DLEU7: variants seen among roughly 807,000 people sequenced by gnomAD.
DLEU7 encodes leukemia-associated protein 7.
In DLEU7, 17 loss-of-function variants were observed where a neutral mutation model predicts 16.0. The ratio of observed to expected loss-of-function variants is 1.06; its 90% confidence interval spans 0.73 to 1.59. The LOEUF (loss-of-function observed/expected upper bound fraction) is 1.59, where lower values mean the gene tolerates loss of function less well. DLEU7 is among the 40% of genes most tolerant of loss of function. DLEU7 has a pLI of 0.00. For missense variants in DLEU7, 308 were observed against 314.9 expected, an observed-to-expected ratio of 0.98 and a Z score of 0.17; for synonymous variants, 113 against 139.8, an observed-to-expected ratio of 0.81 and a Z score of 1.35.
Position 50,827,984 on chromosome 13 carries a change from C to A in DLEU7, c.460-4464G>T, listed in dbSNP as rs138262005. Among the ~76,000 whole-genome samples, 84 of 151,086 alleles carry A rather than the reference C, an allele frequency of 5.6e-4. 1 individual carries two copies. In the Middle Eastern group the frequency reaches 0.014, roughly 25 times the overall value. ...AAGCAAAGAGAAGCCAAAATAAAAC[C>A]AAAAAAAATCATTATTTGGGATGAA... is the stretch of plus-strand genomic sequence containing the variant. On this transcript the variant is annotated intron_variant, in intron 1 of 1. Coordinates refer to ENST00000504404, the MANE Select transcript of DLEU7 (RefSeq NM_001306135.2).
At chr13:50,778,312 A>G (rs1402190791) in intron 1 of DLEU7, among the ~76,000 whole-genome samples, 1 of 152,128 alleles carries the variant, frequency 6.6e-6, no homozygotes, top group Non-Finnish European at 1.5e-5. Context: ...CTCATGATCT[A>G]GTTACCTCCT....
downstream of DLEU7, among the ~76,000 whole-genome samples, chr13:50,819,687 C>T (rs1292281848): frequency 6.6e-6 from 1 of 152,192 alleles, no homozygotes; most frequent in Admixed American, 6.5e-5. Flanking sequence ...GCCTGTGTGA[C>T]TGGAAGTATA....
At chr13:50,723,656 G>A (rs373618761) in intron 1 of DLEU7, among the ~76,000 whole-genome samples, 1 of 151,860 alleles carries the variant, frequency 6.6e-6, no homozygotes, top group Admixed American at 6.6e-5. Context: ...AAGCTCTCTG[G>A]TGTCTTTTTT....
At chr13:50,725,038 C>G (rs2137710609) in intron 1 of DLEU7, among the ~76,000 whole-genome samples, 1 of 152,188 alleles carries the variant, frequency 6.6e-6, no homozygotes, top group Middle Eastern at 3.4e-3. Context: ...ATATCAATAG[C>G]CCATGGTCCG....
rs1172330867 is a variant in DLEU7 at position 50,843,567 on chromosome 13, T to A, written c.80A>T (p.Glu27Val). 2.0e-6 allele frequency: 3 copies of A among 1,491,904 alleles called. No individual in the cohort carries two copies. The South Asian group carries it at 3.7e-5, about 19-fold the overall frequency. 92.4% of individuals were successfully genotyped at this position (1,491,904 alleles called of 1,614,324 possible). ...GACTGGACCGTCCCCCCAGCCCCACTCCTGCTGCAGCAGCTGCAAGGTCTG... is the reference window on the plus strand; with the variant it reads ...GACTGGACCGTCCCCCCAGCCCCACACCTGCTGCAGCAGCTGCAAGGTCTG... ...ALQTLQLLQQ[E>V]WGWGDGPVAP... Residue 27 changes from glutamate (E) to valine (V), a missense_variant, in exon 1 of 2, where the codon GAG (glutamate) becomes GTG (valine). Transcript: ENST00000504404. This position sits in a 1 kb window ranked among gnomAD's most constrained non-coding sequence, Gnocchi z 5.7.
At chr13:50,766,216 A>G (rs1422461340) in intron 1 of DLEU7, among the ~76,000 whole-genome samples, 2 of 152,172 alleles carry the variant, frequency 1.3e-5, no homozygotes, top group African/African-American at 2.4e-5. Flanking sequence ...TGAGCATTGG[A>G]TGCTGTTTAA....
At chr13:50,765,378 G>C (rs1875071633) in intron 1 of DLEU7, among the ~76,000 whole-genome samples, 1 of 152,044 alleles carries the variant, frequency 6.6e-6, no homozygotes, top group African/African-American at 2.4e-5. Context: ...GCAGACAGGG[G>C]AAGGAAAAAG....
At chr13:50,805,408 TG>T (rs1876359918) in intron 1 of DLEU7, among the ~76,000 whole-genome samples, 1 of 152,170 alleles carries the variant, frequency 6.6e-6, no homozygotes, top group Non-Finnish European at 1.5e-5. Flanking sequence ...TTGCTCATGG[TG>T]TGTTAGTTTT....
intron 1 of DLEU7, among the ~76,000 whole-genome samples, chr13:50,736,649 GAAAAGA>G (rs1184006894): frequency 6.6e-6 from 1 of 151,268 alleles, no homozygotes; most frequent in Non-Finnish European, 1.5e-5. Flanking sequence ...CAAGAAGGAA[GAAAAGA>G]AAAACACAAT....
chr13:50,817,154 T>C (rs1876759270), intron 1 of DLEU7, among the ~76,000 whole-genome samples: 1 of 152,154 alleles, frequency 6.6e-6, no homozygotes, highest in Non-Finnish European at 1.5e-5. Flanking sequence ...GTGATTATTA[T>C]CAAAGTCTCC....
chr13:50,824,758 A>G (rs540437599), intron 1 of DLEU7, among the ~76,000 whole-genome samples: 3 of 152,336 alleles, frequency 2.0e-5, no homozygotes, highest in African/African-American at 7.2e-5. Context: ...CCATGAACAC[A>G]TAGCAAAAAC....
downstream of DLEU7, chr13:50,711,647 A>C (rs771586162): frequency 6.6e-6 from 1 of 152,182 alleles, no homozygotes; most frequent in African/African-American, 2.4e-5. Context: ...TCTGTTTTTC[A>C]ATCATTTGTT....
chr13:50,772,737 A>G (rs1435202639), intron 1 of DLEU7, among the ~76,000 whole-genome samples: 1 of 151,966 alleles, frequency 6.6e-6, no homozygotes, highest in Admixed American at 6.6e-5. Flanking sequence ...TCTGACAATT[A>G]TGTGTCTTGG....
Position 50,743,277 on chromosome 13 carries a change from T to C in DLEU7, c.460-30037A>G, listed in dbSNP as rs140532380. On this transcript the variant is annotated intron_variant, in intron 1 of 1. Transcript: ENST00000400393. ...GACAGGTTGTATGTGCACAGGCCTG[T>C]GGGACCAAGCAGGTTTGCTGACAGG... is the stretch of plus-strand genomic sequence containing the variant. Among the ~76,000 whole-genome samples, 8 of 152,066 alleles carry C rather than the reference T, an allele frequency of 5.3e-5. No homozygotes were observed. The East Asian group carries it at 1.6e-3, about 29-fold the overall frequency.
intron 1 of DLEU7, among the ~76,000 whole-genome samples, chr13:50,765,311 T>G (rs1442135749): frequency 1.3e-5 from 2 of 152,168 alleles, no homozygotes; most frequent in African/African-American, 2.4e-5. Context: ...CACTGCATCC[T>G]TCACATTAAT....
At chr13:50,825,059 A>G (rs1593411360) in intron 1 of DLEU7, among the ~76,000 whole-genome samples, 1 of 152,138 alleles carries the variant, frequency 6.6e-6, no homozygotes, top group East Asian at 1.9e-4. Context: ...AAACTGTGAA[A>G]CTGTTCACCT....
intron 1 of DLEU7, among the ~76,000 whole-genome samples, chr13:50,778,263 C>T (rs749379041): frequency 1.3e-5 from 2 of 152,126 alleles, no homozygotes; most frequent in Non-Finnish European, 2.9e-5. Context: ...CTGGTGAGAA[C>T]TCATTCACTA....
rs191689870 is a variant in DLEU7, at chr13:50,832,455, A to G, written c.460-8935T>C. Among the ~76,000 whole-genome samples, 29 of 152,194 alleles carry G rather than the reference A, an allele frequency of 1.9e-4. No homozygotes were observed. The East Asian group carries it at 4.4e-3, about 23-fold the overall frequency. ...AGCTCCTGGATTCATTGATTTTTTGAAAGGTTTTTCATGTCTCTATCTCCT... is the reference window on the plus strand; with the variant it reads ...AGCTCCTGGATTCATTGATTTTTTGGAAGGTTTTTCATGTCTCTATCTCCT... On this transcript the variant is annotated intron_variant, in intron 1 of 1. Transcript: ENST00000504404.
chr13:50,805,746 G>T (rs1285370997), intron 1 of DLEU7, among the ~76,000 whole-genome samples: 3 of 152,208 alleles, frequency 2.0e-5, no homozygotes, highest in Middle Eastern at 3.4e-3. Context: ...ACCACTTTGA[G>T]GCCCAGGGAA....
Sources: gnomAD v4.1 joint callset for allele counts (sites outside exome capture counted in the v4.1 genomes callset) on GRCh38, gnomAD v4.1.1 for gene constraint, Gnocchi (gnomAD v3.1) non-coding constraint, MANE v1.5 for transcripts, NCBI Gene and HGNC (gene_info 2026-07-23, HGNC 2026-07-21) for gene names.